Variants in CACNA1D observed in about 807,000 individuals in gnomAD.
CACNA1D encodes calcium voltage-gated channel subunit alpha1 D.
CACNA1D carries 55 observed loss-of-function variants against 257.1 expected under a neutral mutation model. The ratio of observed to expected loss-of-function variants is 0.21; its 90% confidence interval spans 0.17 to 0.27. The LOEUF (loss-of-function observed/expected upper bound fraction) is 0.27. Among genes scored for constraint, CACNA1D ranks in the 10% least tolerant of loss-of-function variants. The probability of loss-of-function intolerance (pLI) is 1.00; values close to 1 mark genes in which losing one functional copy is unlikely to be tolerated. For synonymous variants in CACNA1D, 980 were observed against 1,014.9 expected (o/e 0.97, Z 0.65); for missense variants, 1,876 against 2,784.0 (o/e 0.67, Z 7.34).
Position 53,740,398 on chromosome 3 carries a change from ACTT to A in CACNA1D, c.2811+63_2811+65del, listed in dbSNP as rs1459925365. The A allele has an allele frequency of 1.6e-5, 19 of 1,169,476 alleles. No homozygotes were observed. The South Asian group carries it at 1.9e-4, about 12-fold the overall frequency. The allele number at this position is 1,169,476 out of a possible 1,614,324, so 72.4% of individuals were successfully genotyped here. On this transcript the variant is annotated intron_variant, in intron 21 of 47. Coordinates refer to ENST00000350061, the MANE Select transcript of CACNA1D (RefSeq NM_001128840.3). ...CAGCAGCTGGAGCAATAATAGTTGC[ACTT>A]CTTTGTTTGCCTTCCAGATGCTAGG...
intron 3 of CACNA1D, among the ~76,000 whole-genome samples, chr3:53,644,446 T>C (rs2093997968): frequency 6.6e-6 from 1 of 152,192 alleles, no homozygotes; most frequent in Non-Finnish European, 1.5e-5. Context: ...ACTTTGAAAT[T>C]TTTTATATGT....
Position 53,609,409 on chromosome 3 carries a change from C to CAA in CACNA1D, c.484-41347_484-41346dup, listed in dbSNP as rs33943272. On this transcript the variant is annotated intron_variant, in intron 3 of 47. Coordinates refer to ENST00000350061, the MANE Select transcript of CACNA1D (RefSeq NM_001128840.3). ...TGGATGACAGAGCAAGACTCTACCT[C>CAA]AAAAAAAAAAAAAAAAAAAAAAAAC... Among the ~76,000 whole-genome samples the CAA allele has an allele frequency of 3.3e-3, 263 of 79,346 alleles. 1 individual carries two copies. Among genetic ancestry groups the CAA allele is most frequent in the South Asian group, 8.4e-3 (17 of 2,012 alleles). 52.1% of individuals were successfully genotyped at this position (79,346 alleles called of 152,430 possible).
intron 38 of CACNA1D, 46 bp downstream of exon 38, chr3:53,780,174 G>A: frequency 7.2e-7 from 1 of 1,393,190 alleles, no homozygotes; most frequent in Non-Finnish European, 1.0e-6. Flanking sequence ...AAAGGAGAGA[G>A]ACATCACATC....
intron 26 of CACNA1D, 81 bp from the exon 27 acceptor site, chr3:53,749,187 G>T: frequency 1.0e-6 from 1 of 956,540 alleles, no homozygotes; most frequent in East Asian, 2.5e-5. Flanking sequence ...GTTCTGGAGA[G>T]GGAGGACCTG....
At position 53,554,475 on chromosome 3, in the gene CACNA1D, A is replaced by C. The variant is rs76264575; in HGVS notation, c.483+52755A>C. On this transcript the variant is annotated intron_variant, in intron 3 of 47. Coordinates refer to ENST00000350061, the MANE Select transcript of CACNA1D (RefSeq NM_001128840.3). ...TGCCAAACTCAGCTTCTCTGTGAGC[A>C]TGCCCTGATGAGTTCAAGGGGCTCC... Among the ~76,000 whole-genome samples the C allele has an allele frequency of 4.3e-3, 660 of 152,338 alleles. 3 individuals carry two copies. Among genetic ancestry groups the C allele is most frequent in the African/African-American group, 0.015 (626 of 41,572 alleles).
chr3:53,708,623 G>A (rs989017028), intron 9 of CACNA1D, among the ~76,000 whole-genome samples: 1 of 152,236 alleles, frequency 6.6e-6, no homozygotes, highest in African/African-American at 2.4e-5. Flanking sequence ...TTGCCCCACT[G>A]TGGAGACAAG....
chr3:53,645,881 T>G (rs1268488542), intron 3 of CACNA1D, among the ~76,000 whole-genome samples: 5 of 152,178 alleles, frequency 3.3e-5, no homozygotes, highest in Non-Finnish European at 7.3e-5. Context: ...GGGAACAGGA[T>G]GTGGAATGGT....
intron 3 of CACNA1D, among the ~76,000 whole-genome samples, chr3:53,520,894 C>CT (rs369260947): frequency 9.7e-6 from 1 of 103,034 alleles, no homozygotes; most frequent in Admixed American, 1.0e-4. Context: ...TTCTTTCTTT[C>CT]TTTTCTTTTC....
chr3:53,643,237 C>G (rs376303850), intron 3 of CACNA1D, among the ~76,000 whole-genome samples: 36 of 152,202 alleles, frequency 2.4e-4, no homozygotes, highest in African/African-American at 7.7e-4. Context: ...TGTTGTTCCT[C>G]TAAGTGCATA....
rs1346822982 is a variant in CACNA1D at position 53,665,931 on chromosome 3, G to A, written c.919+119G>A. 8 of 755,004 alleles carry A rather than the reference G, an allele frequency of 1.1e-5. No homozygotes were observed. In the South Asian group the frequency reaches 1.1e-4, roughly 10 times the overall value. The allele number at this position is 755,004 out of a possible 1,614,324, so 46.8% of individuals were successfully genotyped here. A position where few individuals can be genotyped will look rare whatever the true frequency, so the allele number is the denominator to read the frequency against. On this transcript the variant is annotated intron_variant, in intron 6 of 47. Transcript: ENST00000350061. ...AGGAAAAAAAATGCCCAATATACCA[G>A]CACATTTACTGAGCCAGTTCTCAGT...
chr3:53,552,286 G>GTAA (rs2092550699), intron 3 of CACNA1D, among the ~76,000 whole-genome samples: 1 of 152,208 alleles, frequency 6.6e-6, no homozygotes, highest in Non-Finnish European at 1.5e-5. Context: ...TCCCAGAGGT[G>GTAA]TAAGGGCTGG....
intron 47 of CACNA1D, among the ~76,000 whole-genome samples, 185 bp from the exon 48 acceptor site, chr3:53,810,928 C>T (rs904351829): frequency 6.6e-6 from 1 of 152,088 alleles, no homozygotes; most frequent in Non-Finnish European, 1.5e-5. Context: ...AGTTTTTTAG[C>T]TCCAGGACAT....
intron 3 of CACNA1D, among the ~76,000 whole-genome samples, chr3:53,639,543 T>C (rs2108189548): frequency 6.6e-6 from 1 of 152,202 alleles, no homozygotes; most frequent in Non-Finnish European, 1.5e-5. Context: ...CATGCCACCA[T>C]GCCCAGCTAA....
intron 20 of CACNA1D, among the ~76,000 whole-genome samples, chr3:53,739,509 T>C (rs1199278051): frequency 6.6e-6 from 1 of 152,190 alleles, no homozygotes; most frequent in African/African-American, 2.4e-5. Flanking sequence ...CTAGCAGGAC[T>C]CTGCTGATGG....
At chr3:53,552,200 G>A (rs2092549161) in intron 3 of CACNA1D, among the ~76,000 whole-genome samples, 1 of 152,080 alleles carries the variant, frequency 6.6e-6, no homozygotes, top group Admixed American at 6.5e-5. Flanking sequence ...TTTTACTGTG[G>A]CTTACCTCCT....
At chr3:53,505,115 GTTTTTTTTTTT>G (rs35938386) in intron 3 of CACNA1D, among the ~76,000 whole-genome samples, 3 of 97,620 alleles carry the variant, frequency 3.1e-5, no homozygotes, top group African/African-American at 4.1e-5. Flanking sequence ...TTGTTTATTT[GTTTTTTTTTTT>G]TTTTTTTTTT....
intron 32 of CACNA1D, among the ~76,000 whole-genome samples, chr3:53,771,786 G>T (rs1397441835): frequency 6.6e-6 from 1 of 152,268 alleles, no homozygotes; most frequent in Non-Finnish European, 1.5e-5. Flanking sequence ...CAGAGAAACT[G>T]TGCAAACAAA....
intron 37 of CACNA1D, 38 bp from the exon 38 acceptor site, chr3:53,779,988 T>C (rs2095417588): frequency 1.4e-6 from 2 of 1,388,668 alleles, no homozygotes; most frequent in Non-Finnish European, 2.1e-6. Flanking sequence ...TGGTCACTCA[T>C]TTGCATTCTA....
intron 3 of CACNA1D, among the ~76,000 whole-genome samples, 199 bp from the exon 4 acceptor site, chr3:53,650,580 A>C (rs2094079841): frequency 6.6e-6 from 1 of 152,276 alleles, no homozygotes; most frequent in South Asian, 2.1e-4. Flanking sequence ...GTAGTTGCTT[A>C]TGAGAAATTC....
Sources: gnomAD v4.1 joint callset for allele counts (sites outside exome capture counted in the v4.1 genomes callset) on GRCh38, gnomAD v4.1.1 for gene constraint, MANE v1.5 for transcripts, NCBI Gene and HGNC (gene_info 2026-07-23, HGNC 2026-07-21) for gene names.